The following TRPS1 variants were observed in gnomAD, a reference collection of about 807,000 sequenced individuals.
The protein encoded by TRPS1 is zinc finger transcription factor Trps1.
A neutral mutation model predicts 101.2 loss-of-function variants in TRPS1; 6 were observed. The ratio of observed to expected loss-of-function variants is 0.06; its 90% CI spans 0.03 to 0.12. The LOEUF is 0.12. Among genes scored for constraint, TRPS1 ranks in the 10% least tolerant of loss-of-function variants. The probability of loss-of-function intolerance (pLI) is 1.00; values close to 1 mark genes in which losing one functional copy is unlikely to be tolerated. For synonymous variants in TRPS1, 578 were observed against 589.8 expected, an observed-to-expected ratio of 0.98 and a Z score of 0.29; for missense variants, 1,363 against 1,567.0, an observed-to-expected ratio of 0.87 and a Z score of 2.20.
At chr8:115,494,254 A>G (rs1815097139) in intron 5 of TRPS1, among the ~76,000 whole-genome samples, 1 of 152,352 alleles carries the variant, frequency 6.6e-6, no homozygotes, top group South Asian at 2.1e-4. Flanking sequence ...TAATACACAC[A>G]TTCCAGGGCA....
At chr8:115,580,503 A>G (rs1586424596) in intron 5 of TRPS1, among the ~76,000 whole-genome samples, 1 of 151,968 alleles carries the variant, frequency 6.6e-6, no homozygotes, top group African/African-American at 2.4e-5. Context: ...TTCACTTCCA[A>G]CATCTAAGAA....
chr8:115,538,090 C>T (rs991251172), intron 5 of TRPS1, among the ~76,000 whole-genome samples: 6 of 152,218 alleles, frequency 3.9e-5, no homozygotes, highest in South Asian at 2.1e-4. Context: ...TTTGATATTC[C>T]GGACTTTGCA....
At chr8:115,602,599 T>C (rs562888761) in intron 4 of TRPS1, among the ~76,000 whole-genome samples, 20 of 152,346 alleles carry the variant, frequency 1.3e-4, no homozygotes, top group Middle Eastern at 3.4e-3. Flanking sequence ...ATTATGAGCC[T>C]ATTGTTGGAC....
At chr8:115,587,785 A>T (rs1440863600) in intron 4 of TRPS1, among the ~76,000 whole-genome samples, 181 bp from the exon 5 acceptor site, 1 of 152,162 alleles carries the variant, frequency 6.6e-6, no homozygotes, top group Non-Finnish European at 1.5e-5. Context: ...GTTCTATATA[A>T]AGAGTTCAAA....
intron 1 of TRPS1, among the ~76,000 whole-genome samples, chr8:115,633,894 ATAAGT>A (rs1221053779): frequency 1.3e-5 from 2 of 152,158 alleles, no homozygotes; most frequent in African/African-American, 2.4e-5. Context: ...CATAAAAAAC[ATAAGT>A]TAATAGGTAC....
In TRPS1 at chr8:115,635,618, A is replaced by T. The variant is rs373952193; in HGVS notation, c.-121-11860T>A. ...GAGCAGTGACTAATCCCAGTTTGGT[A>T]TAACAACAAGGGGTTCTGGGGGTAA... On this transcript the variant is annotated intron_variant, in intron 1 of 6. Transcript: ENST00000395715. Among the ~76,000 whole-genome samples, 25 of 152,288 alleles carry T rather than the reference A, an allele frequency of 1.6e-4. No individual in the cohort carries two copies. In the South Asian group the frequency reaches 4.8e-3, roughly 29 times the overall value.
chr8:115,460,445 T>C (rs879478418), intron 5 of TRPS1, among the ~76,000 whole-genome samples: 4 of 152,066 alleles, frequency 2.6e-5, no homozygotes, highest in Admixed American at 2.6e-4. Flanking sequence ...AAATCAGGGT[T>C]TTTTTCCTAT....
At chr8:115,503,560 C>T (rs1443543486) in intron 5 of TRPS1, among the ~76,000 whole-genome samples, 1 of 152,032 alleles carries the variant, frequency 6.6e-6, no homozygotes, top group Non-Finnish European at 1.5e-5. Flanking sequence ...GCCTAATCTC[C>T]AAATTGAATA....
At chr8:115,636,084 C>A (rs1293720647) in intron 1 of TRPS1, among the ~76,000 whole-genome samples, 4 of 110,040 alleles carry the variant, frequency 3.6e-5, no homozygotes, top group Non-Finnish European at 6.6e-5. Flanking sequence ...TAAGATAATG[C>A]CAATCGTCCT....
At chr8:115,556,350 G>T (rs1816820263) in intron 5 of TRPS1, among the ~76,000 whole-genome samples, 1 of 151,880 alleles carries the variant, frequency 6.6e-6, no homozygotes, top group Admixed American at 6.6e-5. Flanking sequence ...TTTTTTTACT[G>T]ACTGATAAGC....
chr8:115,613,230 C>T (rs1818208968), intron 3 of TRPS1, among the ~76,000 whole-genome samples: 1 of 152,110 alleles, frequency 6.6e-6, no homozygotes, highest in African/African-American at 2.4e-5. Context: ...ATTCCTGCAG[C>T]AAAAGTACCA....
At chr8:115,569,765 G>C (rs929394603) in intron 5 of TRPS1, among the ~76,000 whole-genome samples, 22 of 151,980 alleles carry the variant, frequency 1.4e-4, no homozygotes, top group African/African-American at 5.1e-4. Flanking sequence ...TTCTTTAGAA[G>C]GAAGCAGTAT....
At chr8:115,528,444 G>A (rs1051232332) in intron 5 of TRPS1, among the ~76,000 whole-genome samples, 1 of 151,956 alleles carries the variant, frequency 6.6e-6, no homozygotes, top group Non-Finnish European at 1.5e-5. Flanking sequence ...GAGAGGGTCA[G>A]GATTACAACC....
intron 1 of TRPS1, among the ~76,000 whole-genome samples, chr8:115,633,935 C>A (rs1183077365): frequency 6.6e-6 from 1 of 151,984 alleles, no homozygotes; most frequent in Admixed American, 6.6e-5. Context: ...CAACTTTATG[C>A]CTGGTTAATA....
At chr8:115,535,220 TAGC>T (rs1816263219) in intron 5 of TRPS1, among the ~76,000 whole-genome samples, 1 of 144,732 alleles carries the variant, frequency 6.9e-6, no homozygotes, top group African/African-American at 2.6e-5. Context: ...ATAGCATATA[TAGC>T]ATATATATAT....
chr8:115,452,996 T>G (rs1280422850), intron 5 of TRPS1, among the ~76,000 whole-genome samples: 1 of 151,994 alleles, frequency 6.6e-6, no homozygotes, highest in Non-Finnish European at 1.5e-5. Context: ...AGTATAGTAA[T>G]AAAATAATTT....
chr8:115,521,018 A>G (rs1258469877), intron 5 of TRPS1, among the ~76,000 whole-genome samples: 1 of 151,898 alleles, frequency 6.6e-6, no homozygotes, highest in Non-Finnish European at 1.5e-5. Flanking sequence ...TTTACCTACT[A>G]GAAATATTTA....
intron 5 of TRPS1, among the ~76,000 whole-genome samples, chr8:115,563,664 G>A (rs1474410922): frequency 6.6e-6 from 1 of 151,994 alleles, no homozygotes; most frequent in Non-Finnish European, 1.5e-5. Context: ...ATCTTCCATG[G>A]GAGCCAACCA....
chr8:115,586,488 C>T (rs956823138), intron 5 of TRPS1, among the ~76,000 whole-genome samples: 1 of 152,180 alleles, frequency 6.6e-6, no homozygotes, highest in Non-Finnish European at 1.5e-5. Context: ...TCGACAACAA[C>T]AAGCATTGTC....
Sources: gnomAD v4.1 joint callset for allele counts (sites outside exome capture counted in the v4.1 genomes callset) on GRCh38, gnomAD v4.1.1 for gene constraint, MANE v1.5 for transcripts, NCBI Gene and HGNC (gene_info 2026-07-23, HGNC 2026-07-21) for gene names.